EYA2: variants seen among roughly 807,000 people sequenced by gnomAD.
EYA2 encodes the protein EYA transcriptional coactivator and phosphatase 2.
EYA2 carries 31 observed loss-of-function variants against 69.2 expected under a neutral mutation model. The observed-to-expected ratio is 0.45, with a 90% CI of 0.34 to 0.60. The LOEUF (loss-of-function observed/expected upper bound fraction) is 0.60. EYA2 is among the 20% of genes least tolerant of loss of function. EYA2 has a pLI of 0.02. For synonymous variants in EYA2, 257 were observed against 279.4 expected, an observed-to-expected ratio of 0.92 and a Z score of 0.80; for missense variants, 622 against 701.2, an observed-to-expected ratio of 0.89 and a Z score of 1.28.
intron 3 of EYA2, among the ~76,000 whole-genome samples, chr20:47,004,513 G>A (rs6012094): frequency 0.51 from 77,945 of 152,108 alleles, 22,146 homozygotes; most frequent in Non-Finnish European, 0.66. Flanking sequence ...AGTGTGGATG[G>A]GGTGAAACCC....
At chr20:46,989,641 G>A (rs998941579) in intron 1 of EYA2, among the ~76,000 whole-genome samples, 16 of 152,154 alleles carry the variant, frequency 1.1e-4, no homozygotes, top group Non-Finnish European at 1.8e-4. Flanking sequence ...AAATCCAAAC[G>A]CTCCCTCTCT....
intron 5 of EYA2, chr20:47,071,859 G>A (rs1355226100): frequency 1.9e-5 from 5 of 259,274 alleles, no homozygotes; most frequent in Non-Finnish European, 3.8e-5. Context: ...GGTCTGGGCC[G>A]CCAACATGCC....
intron 1 of EYA2, among the ~76,000 whole-genome samples, chr20:46,964,039 C>T (rs769281004): frequency 2.0e-5 from 3 of 152,166 alleles, no homozygotes; most frequent in Admixed American, 6.5e-5. Flanking sequence ...CAGCCAGCAT[C>T]GCAGGAAGAA....
intron 9 of EYA2, among the ~76,000 whole-genome samples, chr20:47,098,108 A>G (rs1244497114): frequency 6.6e-6 from 1 of 152,212 alleles, no homozygotes; most frequent in African/African-American, 2.4e-5. Context: ...TTAGCAAGAT[A>G]GATTTATCGT....
intron 1 of EYA2, among the ~76,000 whole-genome samples, chr20:46,987,964 C>CTATATATATATATATA (rs71183225): frequency 1.2e-3 from 14 of 11,260 alleles, no homozygotes; most frequent in Admixed American, 3.0e-3. Context: ...CTCTCTCTCT[C>CTATATATATATATATA]TATATATATA....
intron 5 of EYA2, among the ~76,000 whole-genome samples, chr20:47,020,853 A>G (rs897445147): frequency 6.6e-6 from 1 of 152,222 alleles, no homozygotes; most frequent in South Asian, 2.1e-4. Flanking sequence ...CATAAAGGCT[A>G]GATTTTCTTT....
intron 1 of EYA2, among the ~76,000 whole-genome samples, chr20:46,932,056 C>T (rs1443464274): frequency 6.6e-6 from 1 of 151,294 alleles, no homozygotes; most frequent in African/African-American, 2.4e-5. Context: ...CGCTCCTAGC[C>T]GGGGGACCCC....
intron 9 of EYA2, among the ~76,000 whole-genome samples, chr20:47,141,817 C>A: frequency 6.6e-6 from 1 of 152,248 alleles, no homozygotes; most frequent in East Asian, 1.9e-4. Context: ...CTTTTGCCCA[C>A]ATATCACTGG....
chr20:47,074,365 T>C (rs769487812), intron 7 of EYA2, 30 bp downstream of exon 7: 1 of 1,609,592 alleles, frequency 6.2e-7, no homozygotes, highest in African/African-American at 1.3e-5. Flanking sequence ...GGGCCATTCA[T>C]GGCTGTGGTC....
chr20:46,985,542 C>T (rs543725574), intron 1 of EYA2, among the ~76,000 whole-genome samples: 72 of 152,298 alleles, frequency 4.7e-4, no homozygotes, highest in Non-Finnish European at 8.7e-4. Flanking sequence ...GTCACACTGC[C>T]GTCTCTTTCC....
chr20:47,025,730 T>G (rs1984040997), intron 5 of EYA2, among the ~76,000 whole-genome samples: 1 of 152,220 alleles, frequency 6.6e-6, no homozygotes, highest in African/African-American at 2.4e-5. Context: ...TTAAATTTGG[T>G]AGATATCTTC....
intron 11 of EYA2, 29 bp downstream of exon 11, chr20:47,169,226 A>G (rs768325170): frequency 6.4e-7 from 1 of 1,570,930 alleles, no homozygotes. Context: ...AAAAATGCCC[A>G]TTGATTGATT....
At chr20:47,067,027 C>T (rs962335501) in intron 5 of EYA2, among the ~76,000 whole-genome samples, 4 of 152,190 alleles carry the variant, frequency 2.6e-5, no homozygotes, top group Admixed American at 2.0e-4. Context: ...TCACTGCAGG[C>T]ACTCTGTGGC....
chr20:47,094,760 C>A (rs982347496), intron 8 of EYA2, among the ~76,000 whole-genome samples: 4 of 152,154 alleles, frequency 2.6e-5, no homozygotes, highest in Admixed American at 6.5e-5. Context: ...ATTAGCCAGG[C>A]GTAGTGGCTC....
chr20:47,044,492 G>C (rs1012233463), intron 5 of EYA2, among the ~76,000 whole-genome samples: 19 of 152,074 alleles, frequency 1.2e-4, no homozygotes, highest in African/African-American at 4.6e-4. Flanking sequence ...GAAACGCTAT[G>C]AATGAGGAAC....
intron 9 of EYA2, among the ~76,000 whole-genome samples, chr20:47,106,409 AT>A (rs1024035107): frequency 1.3e-5 from 2 of 152,232 alleles, no homozygotes; most frequent in Admixed American, 1.3e-4. Flanking sequence ...ATGAAATAGA[AT>A]TTTGGTTTTC....
chr20:46,914,333 C>T (rs978637911), intron 1 of EYA2, among the ~76,000 whole-genome samples: 34 of 152,318 alleles, frequency 2.2e-4, no homozygotes, highest in Non-Finnish European at 3.7e-4. Flanking sequence ...CAGATTCTAC[C>T]GCTTGATGGC....
intron 10 of EYA2, 30 bp from the exon 11 acceptor site, chr20:47,169,108 TC>T: frequency 6.2e-7 from 1 of 1,604,260 alleles, no homozygotes; most frequent in South Asian, 1.1e-5. Flanking sequence ...ATGTTCTCTC[TC>T]TCTCTCTCTC....
intron 9 of EYA2, among the ~76,000 whole-genome samples, chr20:47,137,904 G>C (rs117278419): frequency 0.017 from 2,569 of 151,420 alleles, 106 homozygotes; most frequent in East Asian, 0.16. Flanking sequence ...AAACTAAACA[G>C]CGCGTATTCT....
Sources: gnomAD v4.1 joint callset for allele counts (sites outside exome capture counted in the v4.1 genomes callset) on GRCh38, gnomAD v4.1.1 for gene constraint, MANE v1.5 for transcripts, NCBI Gene and HGNC (gene_info 2026-07-23, HGNC 2026-07-21) for gene names.